Variants in PITPNC1 observed in about 807,000 individuals in gnomAD.
The protein encoded by PITPNC1 is phosphatidylinositol transfer protein cytoplasmic 1.
In PITPNC1, 18 loss-of-function variants were observed where a neutral mutation model predicts 44.7. The ratio of observed to expected loss-of-function variants is 0.40; its 90% confidence interval spans 0.28 to 0.60. The LOEUF (loss-of-function observed/expected upper bound fraction) is 0.60. PITPNC1 is among the 20% of genes least tolerant of loss of function. The pLI is 0.39. For synonymous variants in PITPNC1, 141 were observed against 149.6 expected (o/e 0.94, Z 0.42); for missense variants, 290 against 418.4 (o/e 0.69, Z 2.68).
chr17:67,468,314 G>A (rs373973854), intron 1 of PITPNC1, among the ~76,000 whole-genome samples: 1 of 152,248 alleles, frequency 6.6e-6, no homozygotes, highest in African/African-American at 2.4e-5. Context: ...CACTGGGGGC[G>A]TGCAGGAGCA....
chr17:67,506,975 G>T (rs2040112293), intron 1 of PITPNC1, among the ~76,000 whole-genome samples: 1 of 151,964 alleles, frequency 6.6e-6, no homozygotes, highest in Non-Finnish European at 1.5e-5. Context: ...AATTTTTCTA[G>T]AATGAAAACA....
intron 1 of PITPNC1, among the ~76,000 whole-genome samples, chr17:67,389,248 C>T (rs1462500811): frequency 2.0e-5 from 3 of 152,258 alleles, no homozygotes; most frequent in East Asian, 1.9e-4. Context: ...GGAGCTTCTA[C>T]TGCAACTTCA....
intron 1 of PITPNC1, among the ~76,000 whole-genome samples, chr17:67,515,647 A>G (rs2040249985): frequency 3.9e-5 from 6 of 152,052 alleles, no homozygotes; most frequent in South Asian, 2.1e-4. Context: ...TACTGGACGA[A>G]CTCTGAAGGA....
chr17:67,608,491 CT>C (rs143100082), intron 5 of PITPNC1, among the ~76,000 whole-genome samples: 44,120 of 132,722 alleles, frequency 0.33, 6,479 homozygotes, highest in East Asian at 0.43. Flanking sequence ...TGTTTCTCAG[CT>C]TTTTTTTTTT....
chr17:67,576,065 C>T (rs140258212), intron 4 of PITPNC1, among the ~76,000 whole-genome samples: 3,587 of 151,706 alleles, frequency 0.024, 146 homozygotes, highest in Admixed American at 0.087. Flanking sequence ...TTAGTAAAGA[C>T]GGGGTTTCGC....
chr17:67,378,126 C>G lies in PITPNC1; in HGVS notation c.-29C>G. 6 of 1,514,030 alleles carry G rather than the reference C, an allele frequency of 4.0e-6. No individual in the cohort carries two copies. Among genetic ancestry groups the G allele is most frequent in the Non-Finnish European group, 5.3e-6 (6 of 1,128,910 alleles). The allele number at this position is 1,514,030 out of a possible 1,614,324, so 93.8% of individuals were successfully genotyped here. Reference sequence around the variant, plus strand: ...GGTCTTGGGGGCGCCCCCCGCTTCCCGCCCCGGGGGTCCGCGGCCGGCAGG... The same window carrying G: ...GGTCTTGGGGGCGCCCCCCGCTTCCGGCCCCGGGGGTCCGCGGCCGGCAGG... On this transcript the variant is annotated 5_prime_UTR_variant, in exon 1 of 9. Transcript: ENST00000581322.
intron 5 of PITPNC1, among the ~76,000 whole-genome samples, chr17:67,620,611 C>A (rs896065497): frequency 2.0e-5 from 3 of 152,180 alleles, no homozygotes; most frequent in Non-Finnish European, 2.9e-5. Flanking sequence ...GTTTGCTTTA[C>A]AACTCCCTGC....
intron 5 of PITPNC1, among the ~76,000 whole-genome samples, chr17:67,591,311 A>G (rs1356633867): frequency 1.3e-5 from 2 of 152,252 alleles, no homozygotes; most frequent in Non-Finnish European, 2.9e-5. Flanking sequence ...AGATGAGACT[A>G]CTAAATGCAG....
chr17:67,657,816 T>A (rs2042289989), intron 6 of PITPNC1, among the ~76,000 whole-genome samples: 1 of 152,250 alleles, frequency 6.6e-6, no homozygotes, highest in African/African-American at 2.4e-5. Flanking sequence ...TTTTCCAGTC[T>A]TATTCTGAAC....
intron 1 of PITPNC1, among the ~76,000 whole-genome samples, chr17:67,438,813 G>A (rs533882789): frequency 3.9e-5 from 6 of 152,226 alleles, no homozygotes; most frequent in South Asian, 2.1e-4. Flanking sequence ...GCTGACTTAC[G>A]GCTACTATTC....
chr17:67,396,699 C>G (rs1448798880), intron 1 of PITPNC1, among the ~76,000 whole-genome samples: 1 of 152,038 alleles, frequency 6.6e-6, no homozygotes, highest in African/African-American at 2.4e-5. Flanking sequence ...TGGGGTCTCT[C>G]TGTTGCCCAG....
intron 4 of PITPNC1, among the ~76,000 whole-genome samples, chr17:67,557,284 G>A (rs1598817585): frequency 6.6e-6 from 1 of 152,174 alleles, no homozygotes; most frequent in East Asian, 1.9e-4. Context: ...ATCCCTACCT[G>A]ATTAGTCCCA....
chr17:67,386,445 G>A (rs2143789783), intron 1 of PITPNC1, among the ~76,000 whole-genome samples: 2 of 152,208 alleles, frequency 1.3e-5, no homozygotes, highest in African/African-American at 4.8e-5. Flanking sequence ...CACCCGCCTC[G>A]GCCTCTCAGA....
intron 6 of PITPNC1, among the ~76,000 whole-genome samples, chr17:67,667,011 A>G (rs2144396651): frequency 6.6e-6 from 1 of 152,268 alleles, no homozygotes; most frequent in East Asian, 1.9e-4. Flanking sequence ...AGCCAATTTG[A>G]TTTTGTGTCT....
At position 67,388,058 on chromosome 17, in the gene PITPNC1, A is replaced by G. The variant is rs370727292; in HGVS notation, c.48+9856A>G. Among the ~76,000 whole-genome samples the G allele has an allele frequency of 5.3e-5, 8 of 152,220 alleles. No individual in the cohort carries two copies. The East Asian group carries it at 7.7e-4, about 15-fold the overall frequency. On this transcript the variant is annotated intron_variant, in intron 1 of 8. Coordinates refer to ENST00000581322, the MANE Select transcript of PITPNC1 (RefSeq NM_012417.4). Reference sequence around the variant, plus strand: ...ATACTTGCTGAATGAATGGATAGGAAGAAGCTGAGGAAAACAGGAACTTTT... The same window carrying G: ...ATACTTGCTGAATGAATGGATAGGAGGAAGCTGAGGAAAACAGGAACTTTT...
At chr17:67,548,506 G>T (rs1027516285) in intron 2 of PITPNC1, among the ~76,000 whole-genome samples, 2 of 152,122 alleles carry the variant, frequency 1.3e-5, no homozygotes, top group African/African-American at 4.8e-5. Context: ...CTGGAGAATC[G>T]CTTGGACCTG....
At chr17:67,669,783 C>T (rs1598964074) in intron 7 of PITPNC1, 120 bp downstream of exon 7, 1 of 713,926 alleles carries the variant, frequency 1.4e-6, no homozygotes, top group African/African-American at 1.8e-5. Flanking sequence ...CTCAAAAACA[C>T]TTTTTGGGCC....
intron 1 of PITPNC1, among the ~76,000 whole-genome samples, chr17:67,475,905 T>TAACAGAGC (rs1367569008): frequency 6.6e-6 from 1 of 152,110 alleles, no homozygotes; most frequent in Non-Finnish European, 1.5e-5. Context: ...TGTGGGAAGT[T>TAACAGAGC]AACAGAGCAA....
chr17:67,635,774 G>T (rs1425983914), intron 6 of PITPNC1, among the ~76,000 whole-genome samples: 2 of 152,148 alleles, frequency 1.3e-5, no homozygotes, highest in Non-Finnish European at 2.9e-5. Flanking sequence ...GAGGAGGAGA[G>T]TGACCAGAGG....
Sources: allele counts gnomAD v4.1 joint callset (sites outside exome capture counted in the v4.1 genomes callset), GRCh38; gene constraint gnomAD v4.1.1; transcripts MANE v1.5; gene names NCBI Gene and HGNC (gene_info 2026-07-23, HGNC 2026-07-21).